The following HMGCS2 variants were observed in gnomAD, a reference collection of about 807,000 sequenced individuals.
HMGCS2 encodes the protein 3-hydroxy-3-methylglutaryl-CoA synthase 2.
HMGCS2 carries 50 observed loss-of-function variants against 57.4 expected under a neutral mutation model. The observed-to-expected ratio is 0.87, with a 90% CI of 0.69 to 1.10. The LOEUF (loss-of-function observed/expected upper bound fraction) is 1.10, where lower values mean the gene tolerates loss of function less well. Ranked by LOEUF, HMGCS2 falls within the 50% of genes least tolerant of loss-of-function variation. HMGCS2 has a pLI of 0.00. For missense variants in HMGCS2, 627 were observed against 636.5 expected (o/e 0.99, Z 0.16); for synonymous variants, 254 against 245.1 (o/e 1.04, Z -0.34).
chr1:119,760,081 G>T, intron 2 of HMGCS2, 92 bp from the exon 3 acceptor site: 1 of 1,127,748 alleles, frequency 8.9e-7, no homozygotes, highest in Non-Finnish European at 1.3e-6. Flanking sequence ...CTAGGTCCTG[G>T]ATATAGAGTG....
chr1:119,751,303 T>C (rs73000429), intron 8 of HMGCS2, among the ~76,000 whole-genome samples: 3,118 of 152,158 alleles, frequency 0.02, 103 homozygotes, highest in African/African-American at 0.07. Flanking sequence ...TTCTGATTCA[T>C]TGCAGTATTT....
At chr1:119,768,055 G>A (rs748419037) in intron 1 of HMGCS2, among the ~76,000 whole-genome samples, 5 of 152,258 alleles carry the variant, frequency 3.3e-5, no homozygotes, top group Middle Eastern at 3.4e-3. Flanking sequence ...AGGAAATAAA[G>A]AACTAGTCCC....
intron 1 of HMGCS2, among the ~76,000 whole-genome samples, chr1:119,768,527 G>A (rs1293707251): frequency 1.3e-5 from 2 of 152,206 alleles, no homozygotes; most frequent in Non-Finnish European, 2.9e-5. Flanking sequence ...AACACAGCAT[G>A]TGTCAGAGGT....
chr1:119,763,494 G>A lies in HMGCS2; in HGVS notation c.559+678C>T, dbSNP rs587689978. 1.8e-4 allele frequency among the ~76,000 whole-genome samples: 28 copies of A among 152,246 alleles called. 1 individual carries two copies. The East Asian group carries it at 4.8e-3, about 26-fold the overall frequency. ...AACCCTGAGGCTCAAAGAGGTTCAG[G>A]AATTTATCAATGATTATTGATAGAG... On this transcript the variant is annotated intron_variant, in intron 2 of 9. Coordinates refer to ENST00000369406, the MANE Select transcript of HMGCS2 (RefSeq NM_005518.4).
chr1:119,759,373 G>C, intron 3 of HMGCS2, 91 bp from the exon 4 acceptor site: 1 of 1,272,538 alleles, frequency 7.9e-7, no homozygotes, highest in Non-Finnish European at 1.1e-6. Flanking sequence ...GAGGTTTCTG[G>C]TCATTATCTG....
chr1:119,762,331 C>A (rs760278900), intron 2 of HMGCS2, among the ~76,000 whole-genome samples: 1 of 150,988 alleles, frequency 6.6e-6, no homozygotes, highest in South Asian at 2.1e-4. Context: ...ACATATAAAC[C>A]ATCAGTGTTA....
intron 4 of HMGCS2, 99 bp downstream of exon 4, chr1:119,759,019 T>C: frequency 8.5e-7 from 1 of 1,182,478 alleles, no homozygotes; most frequent in Non-Finnish European, 1.3e-6. Context: ...TTGACATTAT[T>C]TTCAAGGCAG....
intron 5 of HMGCS2, among the ~76,000 whole-genome samples, chr1:119,755,837 T>C (rs978253442): frequency 6.6e-6 from 1 of 152,156 alleles, no homozygotes; most frequent in African/African-American, 2.4e-5. Context: ...ACTAGAAAAT[T>C]AGAAAGAAAA....
At chr1:119,754,709 C>T (rs1316077699) in intron 6 of HMGCS2, among the ~76,000 whole-genome samples, 1 of 152,146 alleles carries the variant, frequency 6.6e-6, no homozygotes, top group Non-Finnish European at 1.5e-5. Context: ...AAGTATTATC[C>T]AAAGTCAACC....
At chr1:119,749,222 A>G (rs1001637282) in intron 9 of HMGCS2, among the ~76,000 whole-genome samples, 4 of 152,162 alleles carry the variant, frequency 2.6e-5, no homozygotes, top group Admixed American at 2.0e-4. Flanking sequence ...GAAAAGGTCA[A>G]GAGTTCCAGC....
intron 2 of HMGCS2, among the ~76,000 whole-genome samples, chr1:119,760,611 G>A (rs587745156): frequency 1.6e-4 from 25 of 152,284 alleles, no homozygotes; most frequent in African/African-American, 5.8e-4. Context: ...TTGAGTAAAT[G>A]ATCCGTAGTC....
At chr1:119,768,709 A>T in intron 1 of HMGCS2, 32 bp downstream of exon 1, 1 of 1,443,082 alleles carries the variant, frequency 6.9e-7, no homozygotes, top group Non-Finnish European at 9.8e-7. Flanking sequence ...ATCTTTTACT[A>T]GTTACAAGGT....
At position 119,755,897 on chromosome 1, in the gene HMGCS2, G is replaced by A. The variant is rs839621; in HGVS notation, c.1017-300C>T. On this transcript the variant is annotated intron_variant, in intron 5 of 9. Transcript: ENST00000369406. ...TACTTTCTTAACTTAGTGTGTGTGT[G>A]TATATATATATATATTTTTTTTCCA... 0.018 allele frequency among the ~76,000 whole-genome samples: 365 copies of A among 20,046 alleles called. 2 individuals are homozygous for A. Among genetic ancestry groups the A allele is most frequent in the African/African-American group, 0.043 (344 of 7,912 alleles). 13.2% of individuals were successfully genotyped at this position (20,046 alleles called of 152,430 possible). A position where few individuals can be genotyped will look rare whatever the true frequency, so the allele number is the denominator to read the frequency against.
At chr1:119,759,769 C>A in intron 3 of HMGCS2, 95 bp downstream of exon 3, 4 of 1,481,104 alleles carry the variant, frequency 2.7e-6, no homozygotes, top group Middle Eastern at 1.7e-4. Flanking sequence ...CAAACGCATA[C>A]CTCAGCCCTG....
Position 119,759,926 on chromosome 1 carries a change from G to A in HMGCS2, c.623C>T (p.Thr208Ile). 6.2e-7 allele frequency: 1 copy of A among 1,614,128 alleles called. No homozygotes were observed. The highest frequency in any genetic ancestry group is 1.7e-5 in the Admixed American group (1 of 60,022). Residue 208 changes from threonine (T) to isoleucine (I), a missense_variant, in exon 3 of 10, where the codon ACA becomes ATA. By Grantham distance (89) the Thr-to-Ile change is moderately conservative. Transcript: ENST00000369406. ...AVYPSGNARP[T>I]GGAGAVAMLI... ...CATAGCCACAGCTCCGGCCCCACCT[G>A]TGGGACGAGCATTACCACTGGGATA...
chr1:119,754,378 T>A (rs1277136877), intron 6 of HMGCS2, among the ~76,000 whole-genome samples: 1 of 151,922 alleles, frequency 6.6e-6, no homozygotes, highest in South Asian at 2.1e-4. Context: ...TTTAAAAAAA[T>A]TTTGTAGAGA....
At chr1:119,765,112 G>A (rs905488351) in intron 1 of HMGCS2, among the ~76,000 whole-genome samples, 3 of 149,238 alleles carry the variant, frequency 2.0e-5, no homozygotes, top group Non-Finnish European at 4.5e-5. Context: ...TTTTTGAGAC[G>A]GAGTCTCACT....
intron 6 of HMGCS2, 39 bp downstream of exon 6, chr1:119,755,388 G>A (rs771380975): frequency 1.1e-5 from 17 of 1,600,966 alleles, no homozygotes; most frequent in Non-Finnish European, 1.5e-5. Context: ...GGAGGCTGAG[G>A]GTGTGCATGG....
intron 6 of HMGCS2, among the ~76,000 whole-genome samples, chr1:119,754,038 C>A (rs1274728661): frequency 1.4e-5 from 2 of 147,648 alleles, no homozygotes; most frequent in Non-Finnish European, 3.0e-5. Context: ...ACTACAGGTG[C>A]AAGCTGCCAC....
Sources: gnomAD v4.1 joint callset for allele counts (sites outside exome capture counted in the v4.1 genomes callset) on GRCh38, gnomAD v4.1.1 for gene constraint, MANE v1.5 for transcripts, NCBI Gene and HGNC (gene_info 2026-07-23, HGNC 2026-07-21) for gene names.